ZC3H12B: variants seen among roughly 807,000 people sequenced by gnomAD.
ZC3H12B encodes the protein zinc finger CCCH-type containing 12B, also known as probable ribonuclease ZC3H12B.
In ZC3H12B, 7 loss-of-function variants were observed where a neutral mutation model predicts 43.9. That is an observed-to-expected ratio of 0.16 (90% CI 0.09 to 0.30). The LOEUF (loss-of-function observed/expected upper bound fraction) is 0.30, where lower values mean the gene tolerates loss of function less well. ZC3H12B is among the 10% of genes least tolerant of loss of function. The pLI, the probability that ZC3H12B is intolerant of heterozygous loss-of-function variation, is 1.00. For synonymous variants in ZC3H12B, 222 were observed against 241.7 expected (o/e 0.92, Z 0.76); for missense variants, 475 against 670.2 (o/e 0.71, Z 3.22).
At chrX:65,322,848 T>C in the ZC3H12B span, among the ~76,000 whole-genome samples, 1 of 111,930 alleles carries the variant, frequency 8.9e-6, no homozygotes, top group African/African-American at 3.2e-5. Flanking sequence ...CATTTTAATA[T>C]TAATTCTTCC....
At chrX:65,174,175 T>C in the ZC3H12B span, among the ~76,000 whole-genome samples, 1 of 111,513 alleles carries the variant, frequency 9.0e-6, no homozygotes, top group Non-Finnish European at 1.9e-5. Context: ...GAGGTGTCTG[T>C]TGACCCCTGC....
At chrX:65,430,844 G>A (rs1400480254) in intron 3 of ZC3H12B, among the ~76,000 whole-genome samples, 3 of 111,041 alleles carry the variant, frequency 2.7e-5, no homozygotes, top group Non-Finnish European at 5.7e-5. Context: ...TCCCAGGTGG[G>A]CCATCACCCC....
chrX:65,422,161 A>G (rs751082089), intron 3 of ZC3H12B, among the ~76,000 whole-genome samples: 2 of 111,107 alleles, frequency 1.8e-5, no homozygotes, highest in Non-Finnish European at 3.8e-5. Flanking sequence ...AGCATTCAAT[A>G]TACGGTGCTC....
chrX:65,393,649 G>A (rs2066657151), intron 2 of ZC3H12B, among the ~76,000 whole-genome samples: 1 of 111,872 alleles, frequency 8.9e-6, no homozygotes, highest in South Asian at 3.7e-4. Context: ...TACAACATAT[G>A]CAATAAACAC....
chrX:65,150,587 T>C, the ZC3H12B span, among the ~76,000 whole-genome samples: 2 of 110,523 alleles, frequency 1.8e-5, no homozygotes, highest in Non-Finnish European at 3.8e-5. Context: ...GAACATGTGG[T>C]GTTTGGTTTT....
chrX:65,496,948 C>CAAAAAAAAA (rs373400545), intron 1 of ZC3H12B, among the ~76,000 whole-genome samples, 184 bp from the exon 7 acceptor site: 13 of 40,462 alleles, frequency 3.2e-4, no homozygotes, highest in Non-Finnish European at 4.9e-4. Context: ...AAAGTGAGAC[C>CAAAAAAAAA]AAAAAAAAAA....
At chrX:65,489,910 C>T (rs1282480046) in intron 1 of ZC3H12B, among the ~76,000 whole-genome samples, 1 of 111,824 alleles carries the variant, frequency 8.9e-6, no homozygotes, top group African/African-American at 3.3e-5. Flanking sequence ...TAACAGTCTC[C>T]ATGAAAATTA....
intron 2 of ZC3H12B, among the ~76,000 whole-genome samples, chrX:65,373,986 A>ATATATATATAGTATATATATATAAC (rs2066299773): frequency 3.5e-5 from 1 of 28,903 alleles, no homozygotes; most frequent in Admixed American, 5.7e-4. Flanking sequence ...TATATATACT[A>ATATATATATAGTATATATATATAAC]TATATATATA....
rs746574358 is a variant in ZC3H12B at position 65,398,096 on chromosome X, A to C, written n.296-497A>C. 4.5e-5 allele frequency among the ~76,000 whole-genome samples: 5 copies of C among 111,977 alleles called. No homozygotes were observed. The East Asian group carries it at 1.4e-3, about 31-fold the overall frequency. ...AAAGAAGTGAATTTTTTTTTAAATT[A>C]AACATGGATGCAAGAAATTAAAAAG... On this transcript the variant is annotated intron_variant and non_coding_transcript_variant, in intron 2 of 5. Coordinates refer to the ZC3H12B transcript ENST00000617377.
chrX:65,118,281 G>T, the ZC3H12B span, among the ~76,000 whole-genome samples: 1 of 111,103 alleles, frequency 9.0e-6, no homozygotes, highest in African/African-American at 3.3e-5. Flanking sequence ...CCTTGACATC[G>T]CACGTAAGTT....
chrX:65,116,829 G>C, the ZC3H12B span, among the ~76,000 whole-genome samples: 1 of 110,700 alleles, frequency 9.0e-6, no homozygotes, highest in Non-Finnish European at 1.9e-5. Flanking sequence ...TTCTGTTCTT[G>C]TGATACTTTG....
chrX:65,170,165 C>A, the ZC3H12B span, among the ~76,000 whole-genome samples: 2 of 111,829 alleles, frequency 1.8e-5, no homozygotes, highest in African/African-American at 6.5e-5. Context: ...TTTGCCGTGG[C>A]TGGTACCAAT....
At chrX:65,267,424 T>G in the ZC3H12B span, among the ~76,000 whole-genome samples, 1 of 108,737 alleles carries the variant, frequency 9.2e-6, no homozygotes, top group African/African-American at 3.4e-5. Flanking sequence ...GGTTACCACA[T>G]TACAATATGC....
chrX:65,207,753 T>A, the ZC3H12B span, among the ~76,000 whole-genome samples: 2 of 73,954 alleles, frequency 2.7e-5, no homozygotes, highest in African/African-American at 5.4e-5. Flanking sequence ...ATTGAATCTG[T>A]AAATTACCTT....
the ZC3H12B span, among the ~76,000 whole-genome samples, chrX:65,265,829 A>C: frequency 8.9e-6 from 1 of 111,971 alleles, no homozygotes. Context: ...GGAGAGGGGA[A>C]TAAATGAAAC....
the ZC3H12B span, among the ~76,000 whole-genome samples, chrX:65,223,965 G>A: frequency 8.0e-5 from 9 of 112,118 alleles, no homozygotes; most frequent in Non-Finnish European, 1.5e-4. Flanking sequence ...CGACCGAGAG[G>A]AAAAGAAGTC....
At chrX:65,056,192 T>A in the ZC3H12B span, among the ~76,000 whole-genome samples, 3 of 112,074 alleles carry the variant, frequency 2.7e-5, no homozygotes, top group East Asian at 2.8e-4. Flanking sequence ...AGGGTGTCAA[T>A]TTTAGATCTT....
At chrX:65,257,959 A>G in the ZC3H12B span, among the ~76,000 whole-genome samples, 1 of 111,419 alleles carries the variant, frequency 9.0e-6, no homozygotes, top group Non-Finnish European at 1.9e-5. Context: ...ATATGTATAG[A>G]AAAAAGAGTT....
intron 3 of ZC3H12B, among the ~76,000 whole-genome samples, chrX:65,426,695 C>T (rs1162784633): frequency 2.7e-5 from 3 of 111,843 alleles, no homozygotes; most frequent in South Asian, 3.7e-4. Flanking sequence ...TTTCAAAGAA[C>T]TTCTTAATTT....
Sources: gnomAD v4.1 joint callset for allele counts (sites outside exome capture counted in the v4.1 genomes callset) on GRCh38, gnomAD v4.1.1 for gene constraint, MANE v1.5 for transcripts, NCBI Gene and HGNC (gene_info 2026-07-23, HGNC 2026-07-21) for gene names.